SUMF1: variants seen among roughly 807,000 people sequenced by gnomAD.
SUMF1 encodes the protein formylglycine-generating enzyme.
Under a neutral mutation model 47.6 loss-of-function variants are expected in SUMF1, and 48 were observed. That is an observed-to-expected ratio of 1.01 (90% confidence interval 0.80 to 1.28). SUMF1 has a LOEUF of 1.28. SUMF1 is among the 50% of genes most tolerant of loss of function. The pLI is 0.00. For synonymous variants in SUMF1, 230 were observed against 192.1 expected, an observed-to-expected ratio of 1.20 and a Z score of -1.63; for missense variants, 571 against 485.4, an observed-to-expected ratio of 1.18 and a Z score of -1.66.
Position 4,466,975 on chromosome 3 carries a change from C to T in SUMF1, c.270+1G>A. 6.2e-7 allele frequency: 1 copy of T among 1,604,708 alleles called. No individual in the cohort carries two copies. The highest frequency in any genetic ancestry group is 8.5e-7 in the Non-Finnish European group (1 of 1,177,148). On this transcript the variant is annotated splice_donor_variant, in intron 1 of 8. Transcript: ENST00000272902. LOFTEE classifies it high-confidence loss of function. ...CCGCCTCGGAGGAATCGATGGAGCACCTTTGAGTGCGCGAGTTGCCGCTCT... is the reference window on the plus strand; with the variant it reads ...CCGCCTCGGAGGAATCGATGGAGCATCTTTGAGTGCGCGAGTTGCCGCTCT...
At chr3:4,414,699 T>C (rs1701651872) in intron 6 of SUMF1, 2 of 152,252 alleles carry the variant, frequency 1.3e-5, no homozygotes, top group African/African-American at 4.8e-5. Context: ...TGCTGAACTT[T>C]CAGTCAAATA....
intron 8 of SUMF1, among the ~76,000 whole-genome samples, chr3:4,123,307 G>T (rs774661522): frequency 6.6e-6 from 1 of 152,012 alleles, no homozygotes; most frequent in African/African-American, 2.4e-5. Context: ...TACTAATACA[G>T]ACACTTTATC....
intron 8 of SUMF1, among the ~76,000 whole-genome samples, chr3:4,216,510 G>A (rs1452228554): frequency 6.6e-6 from 1 of 152,144 alleles, no homozygotes; most frequent in Non-Finnish European, 1.5e-5. Flanking sequence ...AGCACCAAAA[G>A]CAATGGCGAC....
intron 8 of SUMF1, among the ~76,000 whole-genome samples, chr3:4,237,630 T>A (rs1033422694): frequency 2.6e-5 from 4 of 152,158 alleles, no homozygotes; most frequent in Non-Finnish European, 5.9e-5. Context: ...TAAATTTTAA[T>A]GCAGTACAAC....
At chr3:4,068,013 G>C (rs1267913624) in intron 9 of SUMF1, among the ~76,000 whole-genome samples, 16 of 152,166 alleles carry the variant, frequency 1.1e-4, no homozygotes, top group Non-Finnish European at 4.4e-5. Flanking sequence ...GGAAGCTGAG[G>C]TTAAAATCTT....
intron 1 of SUMF1, among the ~76,000 whole-genome samples, chr3:4,456,347 C>T (rs908647062): frequency 7.9e-5 from 12 of 151,926 alleles, no homozygotes; most frequent in Non-Finnish European, 4.4e-5. Context: ...CATGTAATAC[C>T]GGACATACTA....
chr3:4,286,090 T>C (rs963942775), intron 8 of SUMF1, among the ~76,000 whole-genome samples: 7 of 152,112 alleles, frequency 4.6e-5, no homozygotes, highest in Admixed American at 2.0e-4. Flanking sequence ...TCATTTGTTA[T>C]ATGCTTAAAT....
At position 4,441,792 on chromosome 3, in the gene SUMF1, A is replaced by G. The variant is rs374247225; in HGVS notation, c.519+7474T>C. Among the ~76,000 whole-genome samples the G allele has an allele frequency of 5.7e-4, 87 of 152,322 alleles. 1 individual carries two copies. The South Asian group carries it at 0.018, about 32-fold the overall frequency. ...CACACAAACTCTGAAAGCTAGCTCA[A>G]TGTTTTACCTCAAAACTACATAAAA... On this transcript the variant is annotated intron_variant, in intron 3 of 8. Transcript: ENST00000272902.
At chr3:4,097,360 C>T (rs1692928755) in intron 8 of SUMF1, among the ~76,000 whole-genome samples, 1 of 152,050 alleles carries the variant, frequency 6.6e-6, no homozygotes, top group Non-Finnish European at 1.5e-5. Context: ...CAAGACCAGC[C>T]TGGCCAAGAT....
chr3:4,044,203 G>C (rs1694965267), intron 9 of SUMF1, among the ~76,000 whole-genome samples: 2 of 152,122 alleles, frequency 1.3e-5, no homozygotes, highest in Admixed American at 1.3e-4. Flanking sequence ...AAGCACCCAA[G>C]AGCTGACATT....
At chr3:4,070,661 A>C (rs909260557) in intron 8 of SUMF1, among the ~76,000 whole-genome samples, 2 of 151,926 alleles carry the variant, frequency 1.3e-5, no homozygotes, top group African/African-American at 4.8e-5. Context: ...TTTTAGGCAG[A>C]GTCTCACTCT....
At chr3:4,109,397 T>A (rs1429785761) in intron 8 of SUMF1, among the ~76,000 whole-genome samples, 5 of 152,120 alleles carry the variant, frequency 3.3e-5, no homozygotes, top group African/African-American at 9.7e-5. Flanking sequence ...CTGACAATTA[T>A]GTGTCTTGGA....
chr3:4,364,691 A>AT (rs1265295105), intron 8 of SUMF1, among the ~76,000 whole-genome samples: 1 of 149,774 alleles, frequency 6.7e-6, no homozygotes, highest in Non-Finnish European at 1.5e-5. Context: ...GGATTCATTA[A>AT]TTTTTTGAAG....
chr3:4,401,744 A>C (rs533327867), intron 7 of SUMF1, among the ~76,000 whole-genome samples: 2 of 152,336 alleles, frequency 1.3e-5, no homozygotes, highest in East Asian at 3.9e-4. Flanking sequence ...AGAATGACAA[A>C]TAACCACACT....
At chr3:4,332,031 C>T (rs1290533555) in intron 8 of SUMF1, among the ~76,000 whole-genome samples, 2 of 152,040 alleles carry the variant, frequency 1.3e-5, no homozygotes, top group Non-Finnish European at 2.9e-5. Context: ...TCTTAATTTA[C>T]TAAAGATTAA....
chr3:4,097,076 T>A (rs1463454903), intron 8 of SUMF1, among the ~76,000 whole-genome samples: 1 of 152,150 alleles, frequency 6.6e-6, no homozygotes, highest in Non-Finnish European at 1.5e-5. Flanking sequence ...TTATTAAAAC[T>A]TCTGGTTTAG....
At position 4,232,489 on chromosome 3, in the gene SUMF1, G is replaced by C. The variant is rs567082614; in HGVS notation, c.1014+143841C>G. Among the ~76,000 whole-genome samples the C allele has an allele frequency of 3.3e-5, 5 of 152,040 alleles. No homozygotes were observed. The South Asian group carries it at 8.3e-4, about 25-fold the overall frequency. On this transcript the variant is annotated intron_variant and NMD_transcript_variant, in intron 8 of 12. Coordinates refer to the SUMF1 transcript ENST00000448413. ...CTCTTCAGATTCCATAGAGAGACAA[G>C]CACCTGAAAATTTACCCTCCCAGCA...
intron 8 of SUMF1, among the ~76,000 whole-genome samples, chr3:4,253,577 G>C (rs936456053): frequency 6.6e-6 from 1 of 151,816 alleles, no homozygotes; most frequent in Non-Finnish European, 1.5e-5. Flanking sequence ...GGCGCACCAT[G>C]AGACTATATC....
At chr3:4,363,124 T>A (rs972372043) in intron 8 of SUMF1, among the ~76,000 whole-genome samples, 3 of 152,130 alleles carry the variant, frequency 2.0e-5, no homozygotes, top group Non-Finnish European at 4.4e-5. Context: ...ACAATAAGAA[T>A]ATATATTAAT....
Sources: allele counts gnomAD v4.1 joint callset (sites outside exome capture counted in the v4.1 genomes callset), GRCh38; gene constraint gnomAD v4.1.1; transcripts MANE v1.5; gene names NCBI Gene and HGNC (gene_info 2026-07-23, HGNC 2026-07-21).